TMEM132B: variants seen among roughly 807,000 people sequenced by gnomAD.
TMEM132B encodes transmembrane protein 132B.
Under a neutral mutation model 90.8 loss-of-function variants are expected in TMEM132B, and 18 were observed. That is an observed-to-expected ratio of 0.20 (90% CI 0.14 to 0.29). The LOEUF (loss-of-function observed/expected upper bound fraction) is 0.29, where lower values mean the gene tolerates loss of function less well. Ranked by LOEUF, TMEM132B falls within the 10% of genes least tolerant of loss-of-function variation. The probability of loss-of-function intolerance (pLI) is 1.00; values close to 1 mark genes in which losing one functional copy is unlikely to be tolerated. For missense variants in TMEM132B, 1,096 were observed against 1,326.8 expected (o/e 0.83, Z 2.70); for synonymous variants, 504 against 523.3 (o/e 0.96, Z 0.50).
intron 1 of TMEM132B, among the ~76,000 whole-genome samples, chr12:125,292,626 A>G (rs565025363): frequency 1.3e-5 from 2 of 152,312 alleles, no homozygotes; most frequent in East Asian, 1.9e-4. Context: ...CAAGGACTCA[A>G]ATGAAGACAT....
chr12:125,437,702 G>A lies in TMEM132B; in HGVS notation c.1106+22025G>A, dbSNP rs577585027. Among the ~76,000 whole-genome samples the A allele has an allele frequency of 2.0e-5, 3 of 152,320 alleles. No homozygotes were observed. The South Asian group carries it at 6.2e-4, about 32-fold the overall frequency. On this transcript the variant is annotated intron_variant, in intron 3 of 8. Transcript: ENST00000682704. ...AAGAACCTTGAAAACATGACGCTGAGTGAAAGAAGCCAGACATCAAGGGCC... is the reference window on the plus strand; with the variant it reads ...AAGAACCTTGAAAACATGACGCTGAATGAAAGAAGCCAGACATCAAGGGCC...
rs1302988955 is a variant in TMEM132B at position 125,612,299 on chromosome 12, C to A, written c.1437+28305C>A. Among the ~76,000 whole-genome samples, 12 of 151,878 alleles carry A rather than the reference C, an allele frequency of 7.9e-5. No homozygotes were observed. In the South Asian group the frequency reaches 2.5e-3, roughly 32 times the overall value. ...GACGAGCCTGACCAACTTGGTGAAACCCTGCCTCTACTAGAAATACAAAAA... is the reference window on the plus strand; with the variant it reads ...GACGAGCCTGACCAACTTGGTGAAAACCTGCCTCTACTAGAAATACAAAAA... On this transcript the variant is annotated intron_variant, in intron 5 of 8. Coordinates refer to ENST00000682704, the MANE Select transcript of TMEM132B (RefSeq NM_001366854.1).
chr12:125,295,515 T>TGAGAGAGAGA lies in TMEM132B; in HGVS notation c.68-53918_68-53909dup, dbSNP rs1555237218. On this transcript the variant is annotated intron_variant, in intron 1 of 8. Transcript: ENST00000682704. ...TCCATGAAACCTGTGTGTGTGTGTG[T>TGAGAGAGAGA]GAGAGAGAGAGAGAGAGAGAGAGAG... 1.4e-3 allele frequency among the ~76,000 whole-genome samples: 200 copies of TGAGAGAGAGA among 142,420 alleles called. 3 individuals carry two copies. Among genetic ancestry groups the TGAGAGAGAGA allele is most frequent in the South Asian group, 0.014 (59 of 4,318 alleles). 93.4% of individuals were successfully genotyped at this position (142,420 alleles called of 152,430 possible).
intron 2 of TMEM132B, among the ~76,000 whole-genome samples, chr12:125,372,876 G>A (rs1878339905): frequency 6.6e-6 from 1 of 152,132 alleles, no homozygotes; most frequent in Non-Finnish European, 1.5e-5. Flanking sequence ...AACCCACCAA[G>A]CTTACTCCAG....
intron 1 of TMEM132B, among the ~76,000 whole-genome samples, chr12:125,278,258 A>G (rs957645319): frequency 1.9e-4 from 29 of 152,202 alleles, no homozygotes; most frequent in Admixed American, 1.7e-3. Context: ...GAGAAGCTTC[A>G]ATAGAAACCA....
chr12:125,577,668 C>G (rs1241717054), intron 4 of TMEM132B, among the ~76,000 whole-genome samples: 3 of 151,090 alleles, frequency 2.0e-5, no homozygotes. Flanking sequence ...GCTCTTTTTT[C>G]TCTAGTTCTC....
At chr12:125,586,617 T>G (rs1016833622) in intron 5 of TMEM132B, 2 of 152,262 alleles carry the variant, frequency 1.3e-5, no homozygotes, top group African/African-American at 4.8e-5. Context: ...GGGTTGTAAC[T>G]CATGACTTTG....
intron 2 of TMEM132B, among the ~76,000 whole-genome samples, chr12:125,368,260 G>T (rs902961694): frequency 6.6e-6 from 1 of 152,168 alleles, no homozygotes; most frequent in African/African-American, 2.4e-5. Flanking sequence ...ATTAGATTCA[G>T]GTTATGCATC....
chr12:125,398,825 G>A (rs1338663405), intron 2 of TMEM132B, among the ~76,000 whole-genome samples: 1 of 152,204 alleles, frequency 6.6e-6, no homozygotes, highest in African/African-American at 2.4e-5. Flanking sequence ...TGAGAGTCCA[G>A]GCATGGCTCA....
intron 4 of TMEM132B, among the ~76,000 whole-genome samples, chr12:125,536,590 G>C (rs1262098549): frequency 1.3e-5 from 2 of 152,212 alleles, no homozygotes; most frequent in Non-Finnish European, 2.9e-5. Flanking sequence ...ATATAAGTAA[G>C]TGCTTAAAAC....
intron 1 of TMEM132B, among the ~76,000 whole-genome samples, chr12:125,271,295 T>C (rs911326782): frequency 4.6e-5 from 7 of 152,150 alleles, no homozygotes; most frequent in African/African-American, 1.7e-4. Context: ...GTCAGGGGAT[T>C]GATTACTGTT....
In TMEM132B at chr12:125,660,771, A is replaced by G. The variant is rs1481741082; in HGVS notation, c.*6061A>G. The G allele has an allele frequency of 6.6e-6, 1 of 152,234 alleles. No homozygotes were observed. Among genetic ancestry groups the G allele is most frequent in the African/African-American group, 2.4e-5 (1 of 41,462 alleles). 9.4% of individuals were successfully genotyped at this position (152,234 alleles called of 1,614,324 possible). A position where few individuals can be genotyped will look rare whatever the true frequency, so the allele number is the denominator to read the frequency against. On this transcript the variant is annotated 3_prime_UTR_variant, in exon 9 of 9. Coordinates refer to ENST00000682704, the MANE Select transcript of TMEM132B (RefSeq NM_001366854.1). ...TGAGATGCCTTTAAAATTTCTTTGG[A>G]TTTAATGCTGCTCTTGGTCAGTTGT...
At chr12:125,296,309 G>A (rs1169782762) in intron 1 of TMEM132B, among the ~76,000 whole-genome samples, 1 of 152,184 alleles carries the variant, frequency 6.6e-6, no homozygotes, top group Non-Finnish European at 1.5e-5. Context: ...CCGGGCTTTT[G>A]TTCCCGTTGT....
intron 6 of TMEM132B, among the ~76,000 whole-genome samples, chr12:125,649,804 A>G (rs74615121): frequency 4.9e-4 from 74 of 152,294 alleles, no homozygotes; most frequent in African/African-American, 1.5e-3. Context: ...AACGTTCTGG[A>G]ATTGCAGAGC....
chr12:125,604,846 A>C (rs1885654388), intron 5 of TMEM132B, among the ~76,000 whole-genome samples: 2 of 152,222 alleles, frequency 1.3e-5, no homozygotes, highest in African/African-American at 4.8e-5. Flanking sequence ...TTGCTTTCAA[A>C]ATCATGGCTG....
chr12:125,243,953 C>T (rs1381146837), intron 1 of TMEM132B, among the ~76,000 whole-genome samples: 1 of 152,206 alleles, frequency 6.6e-6, no homozygotes, highest in Admixed American at 6.5e-5. Context: ...CACCACTAAC[C>T]TCCTTCCTGT....
Position 125,238,380 on chromosome 12 carries a change from A to C in TMEM132B, c.67+51514A>C, listed in dbSNP as rs1451164907. ...AAAAAAAAAACCAAAAAAAAAACAA[A>C]AAAAAACCAAAAAAACAAAAACGCA... is the stretch of plus-strand genomic sequence containing the variant. On this transcript the variant is annotated intron_variant, in intron 1 of 8. Coordinates refer to ENST00000682704, the MANE Select transcript of TMEM132B (RefSeq NM_001366854.1). Among the ~76,000 whole-genome samples, 51 of 146,848 alleles carry C rather than the reference A, an allele frequency of 3.5e-4. 3 individuals carry two copies. Among genetic ancestry groups the C allele is most frequent in the African/African-American group, 1.1e-3 (43 of 40,294 alleles).
intron 1 of TMEM132B, among the ~76,000 whole-genome samples, chr12:125,260,083 T>C (rs1874527054): frequency 6.6e-6 from 1 of 152,314 alleles, no homozygotes; most frequent in African/African-American, 2.4e-5. Flanking sequence ...ACTGAAGAGA[T>C]TGTGCAAGCC....
chr12:125,323,259 A>G (rs1185716223), intron 1 of TMEM132B, among the ~76,000 whole-genome samples: 5 of 152,114 alleles, frequency 3.3e-5, no homozygotes, highest in Admixed American at 1.3e-4. Context: ...AAAATGGTGA[A>G]ACCCTGTCTC....
Sources: gnomAD v4.1 joint callset for allele counts (sites outside exome capture counted in the v4.1 genomes callset) on GRCh38, gnomAD v4.1.1 for gene constraint, MANE v1.5 for transcripts, NCBI Gene and HGNC (gene_info 2026-07-23, HGNC 2026-07-21) for gene names.